The following IMMP2L variants were observed in gnomAD, a reference collection of about 807,000 sequenced individuals.
The protein encoded by IMMP2L is inner mitochondrial membrane peptidase subunit 2.
In IMMP2L, 18 loss-of-function variants were observed where a neutral mutation model predicts 19.3. That is an observed-to-expected ratio of 0.93 (90% confidence interval 0.64 to 1.38). The LOEUF (loss-of-function observed/expected upper bound fraction) is 1.38, where lower values mean the gene tolerates loss of function less well. Ranked by LOEUF, IMMP2L falls within the 40% of genes most tolerant of loss-of-function variation. The pLI is 0.00. For missense variants in IMMP2L, 233 were observed against 218.2 expected, an observed-to-expected ratio of 1.07 and a Z score of -0.43; for synonymous variants, 76 against 73.0, an observed-to-expected ratio of 1.04 and a Z score of -0.21.
At chr7:110,996,729 C>T (rs942749297) in intron 3 of IMMP2L, among the ~76,000 whole-genome samples, 11 of 151,412 alleles carry the variant, frequency 7.3e-5, no homozygotes, top group Non-Finnish European at 1.3e-4. Flanking sequence ...CACATGCAAT[C>T]GTAAGAAATG....
intron 4 of IMMP2L, among the ~76,000 whole-genome samples, chr7:110,893,462 A>T (rs186067507): frequency 1.3e-5 from 2 of 152,328 alleles, no homozygotes; most frequent in Non-Finnish European, 2.9e-5. Flanking sequence ...AAACCAAAGT[A>T]GTTTGTTACT....
chr7:110,674,504 C>T (rs1792148716), intron 5 of IMMP2L, among the ~76,000 whole-genome samples: 1 of 152,150 alleles, frequency 6.6e-6, no homozygotes, highest in Non-Finnish European at 1.5e-5. Context: ...AAACAACCTG[C>T]ACTTTTAGCA....
At chr7:110,664,292 G>C (rs1018285088) in intron 5 of IMMP2L, among the ~76,000 whole-genome samples, 1 of 152,082 alleles carries the variant, frequency 6.6e-6, no homozygotes, top group African/African-American at 2.4e-5. Flanking sequence ...AGCAGCAGGA[G>C]TTAGGTGTGA....
At chr7:111,155,670 T>TTA (rs755485414) in intron 3 of IMMP2L, among the ~76,000 whole-genome samples, 1,677 of 145,304 alleles carry the variant, frequency 0.012, 22 homozygotes, top group African/African-American at 0.036. Context: ...TTATATGCAA[T>TTA]TATATATATA....
intron 3 of IMMP2L, among the ~76,000 whole-genome samples, chr7:111,379,759 T>TC (rs966430995): frequency 6.6e-6 from 1 of 151,976 alleles, no homozygotes; most frequent in Non-Finnish European, 1.5e-5. Flanking sequence ...GCCTACTATT[T>TC]GCTCATCAAG....
chr7:111,194,307 G>A (rs1370185522), intron 3 of IMMP2L, among the ~76,000 whole-genome samples: 1 of 152,120 alleles, frequency 6.6e-6, no homozygotes, highest in African/African-American at 2.4e-5. Context: ...TCTTTTAATA[G>A]TGGAGTAGAT....
chr7:111,446,113 G>GGCAGCAAGGCA (rs1838370706), intron 3 of IMMP2L, among the ~76,000 whole-genome samples: 3 of 147,938 alleles, frequency 2.0e-5, no homozygotes, highest in Non-Finnish European at 4.5e-5. Flanking sequence ...ACTGCAAGGC[G>GGCAGCAAGGCA]GCAGCAAGGC....
intron 3 of IMMP2L, among the ~76,000 whole-genome samples, chr7:111,192,017 A>G (rs558733593): frequency 1.3e-5 from 2 of 152,040 alleles, no homozygotes; most frequent in Non-Finnish European, 2.9e-5. Flanking sequence ...AATGAGAGCA[A>G]ACAGAAGTCG....
intron 5 of IMMP2L, among the ~76,000 whole-genome samples, chr7:110,845,478 G>A (rs949747750): frequency 6.6e-6 from 1 of 151,988 alleles, no homozygotes; most frequent in Non-Finnish European, 1.5e-5. Context: ...TGACTTAAGG[G>A]CCCGGGGTAA....
intron 5 of IMMP2L, among the ~76,000 whole-genome samples, chr7:110,847,500 A>T (rs928653346): frequency 4.6e-5 from 7 of 152,204 alleles, no homozygotes; most frequent in African/African-American, 1.7e-4. Flanking sequence ...CACTGATCCT[A>T]ACTTGAGCTG....
chr7:111,392,042 T>C, intron 3 of IMMP2L: 2 of 700,210 alleles, frequency 2.9e-6, no homozygotes, highest in Middle Eastern at 2.3e-4. Context: ...AAATTCTTCA[T>C]TACCAGCTTG....
intron 3 of IMMP2L, among the ~76,000 whole-genome samples, chr7:111,381,593 A>G (rs1231558772): frequency 6.6e-6 from 1 of 152,002 alleles, no homozygotes; most frequent in Non-Finnish European, 1.5e-5. Context: ...AAAATACACT[A>G]ACAATGATGA....
At chr7:111,407,421 T>C (rs1173170971) in intron 3 of IMMP2L, among the ~76,000 whole-genome samples, 1 of 152,016 alleles carries the variant, frequency 6.6e-6, no homozygotes, top group Non-Finnish European at 1.5e-5. Context: ...TAGCAAATGG[T>C]GTGTGGATTA....
At chr7:111,127,584 C>A (rs1801441616) in intron 3 of IMMP2L, among the ~76,000 whole-genome samples, 1 of 152,098 alleles carries the variant, frequency 6.6e-6, no homozygotes, top group African/African-American at 2.4e-5. Flanking sequence ...GAAAAGACAT[C>A]TGCTTCAATG....
At chr7:111,308,175 G>A (rs1823094134) in intron 3 of IMMP2L, among the ~76,000 whole-genome samples, 1 of 151,974 alleles carries the variant, frequency 6.6e-6, no homozygotes, top group African/African-American at 2.4e-5. Flanking sequence ...TAAATATAAT[G>A]TCTACACTGG....
chr7:110,894,846 AT>A lies in IMMP2L; in HGVS notation c.306-8152del, dbSNP rs1418919135. On this transcript the variant is annotated intron_variant, in intron 4 of 5. Transcript: ENST00000405709. ...TTATACTTTTAGGCTATTTATAATA[AT>A]TTTTATGCAGTCTGAGGTATGGTTC... 3.3e-5 allele frequency among the ~76,000 whole-genome samples: 5 copies of A among 152,272 alleles called. No individual in the cohort carries two copies. In the East Asian group the frequency reaches 9.6e-4, roughly 29 times the overall value.
At chr7:111,261,986 G>C (rs1817357320) in intron 3 of IMMP2L, among the ~76,000 whole-genome samples, 1 of 152,098 alleles carries the variant, frequency 6.6e-6, no homozygotes, top group African/African-American at 2.4e-5. Context: ...CAATATACCA[G>C]TAGTCTGTTA....
intron 3 of IMMP2L, among the ~76,000 whole-genome samples, chr7:111,032,180 A>G (rs1385419146): frequency 1.3e-5 from 2 of 152,152 alleles, no homozygotes; most frequent in Non-Finnish European, 2.9e-5. Flanking sequence ...GGCTTAAGGT[A>G]TCCGCCTATC....
At chr7:111,207,135 C>A (rs924504495) in intron 3 of IMMP2L, among the ~76,000 whole-genome samples, 2 of 152,126 alleles carry the variant, frequency 1.3e-5, no homozygotes, top group African/African-American at 4.8e-5. Context: ...CATTAAGATA[C>A]TGCCCTGGTT....
Sources: allele counts gnomAD v4.1 joint callset (sites outside exome capture counted in the v4.1 genomes callset), GRCh38; gene constraint gnomAD v4.1.1; transcripts MANE v1.5; gene names NCBI Gene and HGNC (gene_info 2026-07-23, HGNC 2026-07-21).